BORCS8: variants seen among roughly 807,000 people sequenced by gnomAD.
The protein encoded by BORCS8 is BLOC-1 related complex subunit 8.
In BORCS8, 13 loss-of-function variants were observed where a neutral mutation model predicts 18.7. The observed-to-expected ratio is 0.70, with a 90% CI of 0.45 to 1.11. BORCS8 has a LOEUF of 1.11. BORCS8 is among the 50% of genes least tolerant of loss of function. BORCS8 has a pLI of 0.00. For synonymous variants in BORCS8, 68 were observed against 64.8 expected (o/e 1.05, Z -0.24); for missense variants, 165 against 165.7 (o/e 1.00, Z 0.02).
At chr19:19,177,796 G>C (rs2060314788) in intron 5 of BORCS8, 1 of 170,042 alleles carries the variant, frequency 5.9e-6, no homozygotes, top group South Asian at 1.2e-4. Context: ...CCAGCACCAG[G>C]CCTATGTCAC....
rs1411953397 is a variant in BORCS8, at chr19:19,182,245, G to A, written c.326+328C>T. On this transcript the variant is annotated intron_variant, in intron 4 of 5. Coordinates refer to ENST00000462790, the MANE Select transcript of BORCS8 (RefSeq NM_001145784.2). The surrounding 1 kb of genome is among the most constrained non-coding windows in gnomAD (Gnocchi z 4.1). ...CATGCCACCTCCTAGGAGGGGCCCC[G>A]CAGTGTTCTTCACAGCGCATCTGAC... 2.5e-5 allele frequency: 11 copies of A among 445,430 alleles called. No individual in the cohort carries two copies. The East Asian group carries it at 2.8e-4, about 11-fold the overall frequency. 27.6% of individuals were successfully genotyped at this position (445,430 alleles called of 1,614,324 possible).
chr19:19,187,620 C>A (rs111793538), intron 1 of BORCS8, among the ~76,000 whole-genome samples: 5,834 of 151,104 alleles, frequency 0.039, 363 homozygotes, highest in African/African-American at 0.13. Context: ...CTCACCACAA[C>A]CTCCGACTCC....
chr19:19,187,037 T>C, intron 1 of BORCS8, 32 bp from the exon 2 acceptor site: 2 of 1,504,538 alleles, frequency 1.3e-6, no homozygotes, highest in Middle Eastern at 1.7e-4. Flanking sequence ...GGGGCGGGTG[T>C]GGGGAGACAA....
chr19:19,178,132 T>A (rs763867881), intron 5 of BORCS8: 2 of 152,348 alleles, frequency 1.3e-5, no homozygotes, highest in Non-Finnish European at 2.9e-5. Flanking sequence ...CTGTGAAGAC[T>A]TTAGCCCAGG....
At chr19:19,186,175 G>A in intron 2 of BORCS8, 77 bp from the exon 3 acceptor site, 1 of 1,391,450 alleles carries the variant, frequency 7.2e-7, no homozygotes, top group Non-Finnish European at 1.0e-6. Flanking sequence ...TCTCTTGGTT[G>A]GGGCTCTCCT....
At chr19:19,188,644 G>A (rs1568568999) in intron 1 of BORCS8, among the ~76,000 whole-genome samples, 2 of 152,110 alleles carry the variant, frequency 1.3e-5, no homozygotes, top group East Asian at 3.9e-4. Context: ...TCACCAGTGA[G>A]AGATATGGAA....
At position 19,186,894 on chromosome 19, in the gene BORCS8, T is replaced by C. The variant is rs1568567704; in HGVS notation, c.149A>G (p.Lys50Arg). ...RRSLPELAQH[K>R]ADMQRWEEQS... The stretch of plus-strand genomic sequence containing the variant: ...TCCTCCCAGCAGGCCCCAGCTCACC[T>C]TGTGCTGGGCCAGCTCGGGGAGGGA... The change falls in exon 2 of 6, where the codon AAG becomes AGG. Residue 50 changes from lysine (K) to arginine (R), a missense_variant and splice_region_variant. Lys to Arg is a conservative substitution (Grantham distance 26, BLOSUM62 2). Transcript: ENST00000462790. 2 of 1,544,168 alleles carry C rather than the reference T, an allele frequency of 1.3e-6. No homozygotes were observed. Among genetic ancestry groups the C allele is most frequent in the South Asian group, 2.4e-5 (2 of 83,608 alleles).
At chr19:19,187,503 A>G (rs1599759399) in intron 1 of BORCS8, among the ~76,000 whole-genome samples, 1 of 150,212 alleles carries the variant, frequency 6.7e-6, no homozygotes, top group Non-Finnish European at 1.5e-5. Context: ...GACATTAATG[A>G]GAGGACATAA....
At chr19:19,187,613 A>C (rs1467832055) in intron 1 of BORCS8, among the ~76,000 whole-genome samples, 1 of 149,762 alleles carries the variant, frequency 6.7e-6, no homozygotes, top group Non-Finnish European at 1.5e-5. Flanking sequence ...ATCTCGGCTC[A>C]CCACAACCTC....
In BORCS8 at chr19:19,182,444, T is replaced by A. The variant is rs1222761746; in HGVS notation, c.326+129A>T. 3.1e-5 allele frequency: 45 copies of A among 1,441,842 alleles called. No individual in the cohort carries two copies. Among genetic ancestry groups the A allele is most frequent in the Non-Finnish European group, 4.1e-5 (45 of 1,097,906 alleles). The allele number at this position is 1,441,842 out of a possible 1,614,324, so 89.3% of individuals were successfully genotyped here. ...ATAGATGCCACAGGACAAGAGGAGG[T>A]CACCAGACACCAGGACAAAAGGAAA... On this transcript the variant is annotated intron_variant, in intron 4 of 5. Transcript: ENST00000462790. This position sits in a 1 kb window ranked among gnomAD's most constrained non-coding sequence, Gnocchi z 4.1.
At chr19:19,180,204 A>C (rs1258763627) in intron 5 of BORCS8, 1 of 177,432 alleles carries the variant, frequency 5.6e-6, no homozygotes, top group Non-Finnish European at 1.2e-5. Flanking sequence ...CCACCTTTAC[A>C]GAAAGTAAAT....
rs941802652 is a variant in BORCS8, at chr19:19,182,570, T to C, written c.326+3A>G. ...AGTGGGGGCGGGCGGTCCCAGGAGC[T>C]ACCTGTGGCCCTGGGCACTGGCATT... On this transcript the variant is annotated splice_donor_region_variant and intron_variant, in intron 4 of 5. Coordinates refer to ENST00000462790, the MANE Select transcript of BORCS8 (RefSeq NM_001145784.2). The surrounding 1 kb of genome is among the most constrained non-coding windows in gnomAD (Gnocchi z 4.1). 3.2e-6 allele frequency: 5 copies of C among 1,550,086 alleles called. No individual in the cohort carries two copies. Among genetic ancestry groups the C allele is most frequent in the Non-Finnish European group, 4.4e-6 (5 of 1,146,668 alleles).
chr19:19,185,412 G>A (rs4808186), intron 3 of BORCS8, among the ~76,000 whole-genome samples: 4,749 of 152,312 alleles, frequency 0.031, 117 homozygotes, highest in East Asian at 0.07. Flanking sequence ...CCGGCCAGGC[G>A]TGGTGGCTCG....
chr19:19,180,553 C>G (rs536872701), intron 5 of BORCS8, 133 bp downstream of exon 5: 9 of 694,398 alleles, frequency 1.3e-5, no homozygotes, highest in African/African-American at 1.1e-4. Context: ...CACCTGCCAC[C>G]TCCGAAATCA....
chr19:19,190,730 G>A (rs958855506), intron 1 of BORCS8, among the ~76,000 whole-genome samples: 8 of 152,060 alleles, frequency 5.3e-5, no homozygotes, highest in Non-Finnish European at 8.8e-5. Context: ...GGAGGTTGCC[G>A]TGAGCCATGA....
rs543623407 is a variant in BORCS8 at position 19,186,653 on chromosome 19, C to T, written c.150+240G>A. On this transcript the variant is annotated intron_variant, in intron 2 of 5. Transcript: ENST00000462790. Reference sequence around the variant, plus strand: ...TGATTCTAAGTTTCCTGAGGCCTCCCCAGCCCTGTTGAACTGTGAGTCAAT... The same window carrying T: ...TGATTCTAAGTTTCCTGAGGCCTCCTCAGCCCTGTTGAACTGTGAGTCAAT... Among the ~76,000 whole-genome samples the T allele has an allele frequency of 3.9e-4, 59 of 152,352 alleles. 2 individuals are homozygous for T. Among genetic ancestry groups the T allele is most frequent in the African/African-American group, 1.0e-3 (43 of 41,590 alleles).
chr19:19,187,839 C>T (rs574502982), intron 1 of BORCS8, among the ~76,000 whole-genome samples: 45 of 146,450 alleles, frequency 3.1e-4, no homozygotes, highest in African/African-American at 1.0e-3. Flanking sequence ...GCCTGGCCAG[C>T]TTGATTGAAC....
At chr19:19,188,141 C>T (rs6511023) in intron 1 of BORCS8, among the ~76,000 whole-genome samples, 129,275 of 151,910 alleles carry the variant, frequency 0.85, 55,837 homozygotes, top group Non-Finnish European at 0.94. Flanking sequence ...GTCATTCTCC[C>T]GGCTCAGCCT....
chr19:19,185,710 C>T (rs2060401165), intron 3 of BORCS8, among the ~76,000 whole-genome samples: 1 of 152,196 alleles, frequency 6.6e-6, no homozygotes, highest in African/African-American at 2.4e-5. Context: ...AATAAACAGC[C>T]ATATCTGTGC....
Sources: gnomAD v4.1 joint callset for allele counts (sites outside exome capture counted in the v4.1 genomes callset) on GRCh38, gnomAD v4.1.1 for gene constraint, Gnocchi (gnomAD v3.1) non-coding constraint, MANE v1.5 for transcripts, NCBI Gene and HGNC (gene_info 2026-07-23, HGNC 2026-07-21) for gene names.